HAGH: variants seen among roughly 807,000 people sequenced by gnomAD.
HAGH encodes the protein hydroxyacylglutathione hydrolase, also known as hydroxyacylglutathione hydrolase, mitochondrial.
Under a neutral mutation model 35.1 loss-of-function variants are expected in HAGH, and 29 were observed. The observed-to-expected ratio is 0.83, with a 90% CI of 0.62 to 1.13. The LOEUF (loss-of-function observed/expected upper bound fraction) is 1.13. HAGH is among the 50% of genes most tolerant of loss of function. HAGH has a pLI of 0.00. For synonymous variants in HAGH, 225 were observed against 176.1 expected (o/e 1.28, Z -2.20); for missense variants, 478 against 419.6 (o/e 1.14, Z -1.22).
intron 1 of HAGH, 27 bp downstream of exon 1, chr16:1,826,685 C>T: frequency 1.0e-6 from 1 of 1,000,056 alleles, no homozygotes; most frequent in Non-Finnish European, 1.2e-6. Flanking sequence ...CCGCGTCCCC[C>T]GGCCCGCACC....
chr16:1,820,002 G>A lies in HAGH; in HGVS notation c.327C>T (p.Gly109=), dbSNP rs142303700. ...LTTHHHWDHA[G]GNEKLVKLES... is the part of the protein sequence containing the mutation. ...CCAGCTTGACCAGTTTCTCATTCCC[G>A]CCAGCATGGTCCCTAGAAGTCAAAC... Residue 109 remains glycine (G), a synonymous_variant, in exon 4 of 9, where the codon GGC becomes GGT. Coordinates refer to ENST00000397356, the MANE Select transcript of HAGH (RefSeq NM_005326.6). 2.4e-5 allele frequency: 38 copies of A among 1,610,138 alleles called. No homozygotes were observed. Among genetic ancestry groups the A allele is most frequent in the Non-Finnish European group, 3.0e-5 (35 of 1,177,688 alleles).
At position 1,819,159 on chromosome 16, in the gene HAGH, A is replaced by G. The variant is rs543397748; in HGVS notation, c.497T>C (p.Phe166Ser). 1.9e-6 allele frequency: 3 copies of G among 1,613,276 alleles called. No homozygotes were observed. The African/African-American group carries it at 4.0e-5, about 22-fold the overall frequency. Reference protein sequence around the residue: ...PCHTSGHICYFVSKPGGSEPP... With the variant: ...PCHTSGHICYSVSKPGGSEPP... ...CTCCGAGCCTCCGGGCTTGCTCACG[A>G]AGTAACAAATGTGTCCTGAAGTGTG... Residue 166 changes from phenylalanine (F) to serine (S), a missense_variant, in exon 5 of 9, where the codon TTC (phenylalanine) becomes TCC (serine). Physicochemically the swap from Phe to Ser is radical, Grantham distance 155. Transcript: ENST00000397356.
intron 8 of HAGH, 183 bp from the exon 9 acceptor site, chr16:1,809,565 C>T: frequency 3.0e-6 from 2 of 663,964 alleles, no homozygotes; most frequent in Non-Finnish European, 5.3e-6. Context: ...GAAGGACTCA[C>T]ACCCCGGCCA....
At chr16:1,813,061 G>A (rs947930260) in intron 7 of HAGH, among the ~76,000 whole-genome samples, 10 of 152,198 alleles carry the variant, frequency 6.6e-5, no homozygotes, top group Admixed American at 2.0e-4. Context: ...ACGGGGCTGC[G>A]GCTGGGATGT....
intron 4 of HAGH, 95 bp downstream of exon 4, chr16:1,819,802 T>G: frequency 1.3e-6 from 1 of 798,800 alleles, no homozygotes; most frequent in South Asian, 1.4e-5. Context: ...CCCGGGTCAC[T>G]GGGGTAAGGG....
intron 4 of HAGH, among the ~76,000 whole-genome samples, 163 bp from the exon 5 acceptor site, chr16:1,819,386 C>G (rs2033122234): frequency 6.6e-6 from 1 of 152,244 alleles, no homozygotes; most frequent in South Asian, 2.1e-4. Flanking sequence ...GGGACTCGCT[C>G]ACTCCATGGG....
chr16:1,808,323 C>CA lies in HAGH; in HGVS notation c.*959dup, dbSNP rs1021855455. On this transcript the variant is annotated 3_prime_UTR_variant, in exon 9 of 9. Coordinates refer to ENST00000397356, the MANE Select transcript of HAGH (RefSeq NM_005326.6). ...ATTTCATATTTTTTTTTTTTTGAGA[C>CA]AGAGTCTTGCTCTGTCTCCCAGGCT... The CA allele has an allele frequency of 6.7e-6, 1 of 150,264 alleles. No homozygotes were observed. The highest frequency in any genetic ancestry group is 1.5e-5 in the Non-Finnish European group (1 of 67,646). The allele number at this position is 150,264 out of a possible 1,614,324, so 9.3% of individuals were successfully genotyped here.
rs11558512 is a variant in HAGH at position 1,822,311 on chromosome 16, G to A, written c.303C>T (p.Thr101=). 8,223 of 1,608,754 alleles carry A rather than the reference G, an allele frequency of 5.1e-3. 302 individuals are homozygous for A. The East Asian group carries it at 0.098, about 19-fold the overall frequency. Residue 101 remains threonine, a synonymous_variant, in exon 3 of 9, where the codon ACC becomes ACT. Coordinates refer to ENST00000397356, the MANE Select transcript of HAGH (RefSeq NM_005326.6). ...HGVKLTTVLT[T]HHHWDHAGGN... Reference sequence around the variant, plus strand: ...GACGCGGCACTTACCAGTGGTGGTGGGTGGTGAGCACTGTGGTCAGTTTCA... The same window carrying A: ...GACGCGGCACTTACCAGTGGTGGTGAGTGGTGAGCACTGTGGTCAGTTTCA...
At chr16:1,811,333 G>A (rs1897638530) in intron 7 of HAGH, among the ~76,000 whole-genome samples, 1 of 152,160 alleles carries the variant, frequency 6.6e-6, no homozygotes. Context: ...AGAATCACTT[G>A]AACCCAGGAG....
intron 1 of HAGH, among the ~76,000 whole-genome samples, chr16:1,825,829 C>T (rs1191951158): frequency 6.6e-6 from 1 of 152,230 alleles, no homozygotes; most frequent in Admixed American, 6.5e-5. Flanking sequence ...CCGCCTCGGC[C>T]TCCCAAAGTG....
chr16:1,813,262 T>C (rs1897745235), intron 7 of HAGH, among the ~76,000 whole-genome samples: 1 of 152,152 alleles, frequency 6.6e-6, no homozygotes, highest in African/African-American at 2.4e-5. Flanking sequence ...GCCACATGCT[T>C]CACACCCACC....
intron 5 of HAGH, chr16:1,818,863 C>T (rs1219591954): frequency 3.9e-6 from 2 of 508,212 alleles, no homozygotes; most frequent in East Asian, 3.4e-5. Flanking sequence ...GGGACCCGCC[C>T]GGACCCCAGC....
chr16:1,825,673 A>C (rs1263655132), intron 1 of HAGH, among the ~76,000 whole-genome samples: 1 of 152,162 alleles, frequency 6.6e-6, no homozygotes, highest in Non-Finnish European at 1.5e-5. Flanking sequence ...TCCTGGACTC[A>C]AGCGATCCTC....
At chr16:1,809,614 C>T in intron 8 of HAGH, 140 bp downstream of exon 8, 1 of 743,052 alleles carries the variant, frequency 1.3e-6, no homozygotes, top group Non-Finnish European at 2.3e-6. Flanking sequence ...AAGAAGAGTG[C>T]TCGGGCTCTG....
intron 7 of HAGH, among the ~76,000 whole-genome samples, chr16:1,811,717 AAAAAAT>A (rs1414564417): frequency 6.6e-6 from 1 of 151,892 alleles, no homozygotes; most frequent in African/African-American, 2.4e-5. Context: ...CTCTGCCTCA[AAAAAAT>A]AAAAATAAAA....
At position 1,819,944 on chromosome 16, in the gene HAGH, G is replaced by A. The variant is rs764518605; in HGVS notation, c.385C>T (p.Arg129Cys). 1.5e-5 allele frequency: 24 copies of A among 1,613,062 alleles called. No homozygotes were observed. The highest frequency in any genetic ancestry group is 5.3e-5 in the African/African-American group (4 of 74,852). Reference sequence around the variant, plus strand: ...ATCTTGTGAGTCAGGGCCCCGATACGGTCGTCACCCCCGTACACCTTCAGT... The same window carrying A: ...ATCTTGTGAGTCAGGGCCCCGATACAGTCGTCACCCCCGTACACCTTCAGT... ...SGLKVYGGDD[R>C]IGALTHKITH... The change falls in exon 4 of 9, where the codon CGT becomes TGT. Residue 129 changes from arginine (R) to cysteine (C), a missense_variant. Physicochemically the swap from Arg to Cys is radical, Grantham distance 180. Transcript: ENST00000397356.
intron 3 of HAGH, chr16:1,821,949 T>G (rs2369385): frequency 0.01 from 1,264 of 124,576 alleles, 17 homozygotes; most frequent in African/African-American, 0.034. Flanking sequence ...TTTTTGTTTT[T>G]TTGTTTTTTT....
chr16:1,816,317 G>A (rs1177167660), intron 7 of HAGH, among the ~76,000 whole-genome samples: 2 of 151,842 alleles, frequency 1.3e-5, no homozygotes, highest in African/African-American at 4.8e-5. Context: ...CTAAGAAATT[G>A]AAAAAGATGC....
At chr16:1,810,807 T>TGAGAGAGTCG (rs1897615127) in intron 7 of HAGH, 1 of 152,224 alleles carries the variant, frequency 6.6e-6, no homozygotes, top group African/African-American at 2.4e-5. Flanking sequence ...TGTCGGTGAG[T>TGAGAGAGTCG]GACTCTTCAG....
Sources: gnomAD v4.1 joint callset for allele counts (sites outside exome capture counted in the v4.1 genomes callset) on GRCh38, gnomAD v4.1.1 for gene constraint, MANE v1.5 for transcripts, NCBI Gene and HGNC (gene_info 2026-07-23, HGNC 2026-07-21) for gene names.